RBMS3: variants seen among roughly 807,000 people sequenced by gnomAD.
RBMS3 encodes the protein RNA-binding motif, single-stranded-interacting protein 3.
In RBMS3, 27 loss-of-function variants were observed where a neutral mutation model predicts 66.8. That is an observed-to-expected ratio of 0.40 (90% CI 0.30 to 0.56). The LOEUF (loss-of-function observed/expected upper bound fraction) is 0.56. RBMS3 is among the 20% of genes least tolerant of loss of function. The pLI is 0.40. For synonymous variants in RBMS3, 188 were observed against 183.0 expected (o/e 1.03, Z -0.22); for missense variants, 513 against 549.5 (o/e 0.93, Z 0.66).
chr3:29,621,102 T>C (rs921433620), intron 4 of RBMS3, among the ~76,000 whole-genome samples: 3 of 151,948 alleles, frequency 2.0e-5, no homozygotes, highest in Non-Finnish European at 4.4e-5. Flanking sequence ...ATTAAACCAA[T>C]AGAGGGTCTC....
intron 6 of RBMS3, among the ~76,000 whole-genome samples, chr3:29,867,934 G>A (rs1383729592): frequency 6.6e-6 from 1 of 152,000 alleles, no homozygotes; most frequent in Admixed American, 6.6e-5. Flanking sequence ...AACCTTCCCA[G>A]CCATATTAAT....
intron 3 of RBMS3, among the ~76,000 whole-genome samples, chr3:29,560,295 A>T (rs1261563956): frequency 6.6e-6 from 1 of 152,108 alleles, no homozygotes; most frequent in African/African-American, 2.4e-5. Context: ...TTTCTTCCCC[A>T]CTTTAGTGGC....
chr3:29,487,866 T>C (rs1322182508), intron 2 of RBMS3, among the ~76,000 whole-genome samples: 2 of 152,362 alleles, frequency 1.3e-5, no homozygotes, highest in East Asian at 3.9e-4. Flanking sequence ...ATACCCAGGC[T>C]AAATTAGGAT....
intron 1 of RBMS3, among the ~76,000 whole-genome samples, chr3:29,431,374 C>G (rs2041190956): frequency 6.7e-6 from 1 of 149,684 alleles, no homozygotes; most frequent in South Asian, 2.1e-4. Context: ...CTCACTGCAA[C>G]CTCTGACTCT....
Position 29,430,341 on chromosome 3 carries a change from G to A in RBMS3, c.76-4402G>A, listed in dbSNP as rs145848288. Among the ~76,000 whole-genome samples the A allele has an allele frequency of 2.2e-4, 33 of 151,800 alleles. No individual in the cohort carries two copies. In the East Asian group the frequency reaches 5.8e-3, roughly 27 times the overall value. On this transcript the variant is annotated intron_variant, in intron 1 of 14. Transcript: ENST00000383767. ...AGAATTTCTAGAATTTACGAACAAG[G>A]ATATGACAAAGAAAACCGCCTTTTT...
At chr3:29,399,901 AT>A (rs1157866456) in intron 1 of RBMS3, among the ~76,000 whole-genome samples, 1 of 152,050 alleles carries the variant, frequency 6.6e-6, no homozygotes, top group Non-Finnish European at 1.5e-5. Context: ...AGAAAACTAC[AT>A]TTTTTTGTTT....
At chr3:29,779,146 G>A (rs1466609516) in intron 6 of RBMS3, among the ~76,000 whole-genome samples, 1 of 151,734 alleles carries the variant, frequency 6.6e-6, no homozygotes, top group African/African-American at 2.4e-5. Context: ...CATGAACTTG[G>A]TTTTAACACT....
At chr3:29,726,534 C>CA (rs2053884425) in intron 4 of RBMS3, among the ~76,000 whole-genome samples, 1 of 152,116 alleles carries the variant, frequency 6.6e-6, no homozygotes, top group South Asian at 2.1e-4. Flanking sequence ...AATCAATGTG[C>CA]AAAAATCACA....
intron 3 of RBMS3, among the ~76,000 whole-genome samples, chr3:29,533,831 A>T (rs2045454727): frequency 6.6e-6 from 1 of 152,194 alleles, no homozygotes; most frequent in Non-Finnish European, 1.5e-5. Flanking sequence ...CTCATTTCTT[A>T]CTATAAAGTT....
chr3:29,773,595 G>C (rs2056304635), intron 6 of RBMS3, among the ~76,000 whole-genome samples: 2 of 152,066 alleles, frequency 1.3e-5, no homozygotes, highest in South Asian at 4.1e-4. Flanking sequence ...ATTTCCAGCT[G>C]TTTGTTATTA....
At chr3:29,469,747 A>G (rs1406974604) in intron 2 of RBMS3, among the ~76,000 whole-genome samples, 1 of 151,438 alleles carries the variant, frequency 6.6e-6, no homozygotes, top group Non-Finnish European at 1.5e-5. Context: ...TTATTACAGA[A>G]CACAGGGAAG....
At chr3:29,421,236 A>T (rs2040720724) in intron 1 of RBMS3, among the ~76,000 whole-genome samples, 1 of 152,194 alleles carries the variant, frequency 6.6e-6, no homozygotes, top group African/African-American at 2.4e-5. Flanking sequence ...ATGTGTAGAA[A>T]GTACTCTGGA....
chr3:29,349,753 A>G (rs540089349), intron 1 of RBMS3, among the ~76,000 whole-genome samples: 5 of 152,336 alleles, frequency 3.3e-5, no homozygotes, highest in African/African-American at 1.2e-4. Flanking sequence ...CCTCAGTTAA[A>G]GAATCCAATG....
intron 3 of RBMS3, among the ~76,000 whole-genome samples, chr3:29,568,680 G>T (rs1209619827): frequency 1.3e-5 from 2 of 152,186 alleles, no homozygotes; most frequent in Non-Finnish European, 2.9e-5. Flanking sequence ...TAGACTGCAT[G>T]ATGGCAACAT....
At chr3:29,677,793 A>G (rs1481510938) in intron 4 of RBMS3, among the ~76,000 whole-genome samples, 3 of 152,156 alleles carry the variant, frequency 2.0e-5, no homozygotes, top group Non-Finnish European at 2.9e-5. Flanking sequence ...AATGAAGGAT[A>G]ACCTAATAAG....
intron 4 of RBMS3, among the ~76,000 whole-genome samples, chr3:29,628,897 A>G (rs1490290757): frequency 6.6e-6 from 1 of 152,052 alleles, no homozygotes; most frequent in Non-Finnish European, 1.5e-5. Context: ...TTGACTGAGA[A>G]TTGTCATTGT....
intron 6 of RBMS3, among the ~76,000 whole-genome samples, chr3:29,796,266 A>G (rs1298993122): frequency 1.3e-5 from 2 of 152,052 alleles, no homozygotes; most frequent in African/African-American, 4.8e-5. Context: ...GCCCACCCCC[A>G]TGCTCCACTT....
At chr3:29,497,597 T>A (rs1464295443) in intron 3 of RBMS3, among the ~76,000 whole-genome samples, 1 of 152,158 alleles carries the variant, frequency 6.6e-6, no homozygotes, top group Non-Finnish European at 1.5e-5. Context: ...CAAAAAGTCC[T>A]CCAAGACTCT....
intron 12 of RBMS3, among the ~76,000 whole-genome samples, chr3:29,966,858 T>C (rs577789407): frequency 1.3e-5 from 2 of 152,304 alleles, no homozygotes; most frequent in South Asian, 4.1e-4. Flanking sequence ...TACATTAAGG[T>C]ATGTCCCTTG....
Sources: allele counts gnomAD v4.1 joint callset (sites outside exome capture counted in the v4.1 genomes callset), GRCh38; gene constraint gnomAD v4.1.1; transcripts MANE v1.5; gene names NCBI Gene and HGNC (gene_info 2026-07-23, HGNC 2026-07-21).